TMEM131L: variants seen among roughly 807,000 people sequenced by gnomAD.
TMEM131L encodes the protein transmembrane 131 like.
Under a neutral mutation model 192.2 loss-of-function variants are expected in TMEM131L, and 54 were observed. The observed-to-expected ratio is 0.28, with a 90% CI of 0.23 to 0.35. TMEM131L has a LOEUF of 0.35. Among genes scored for constraint, TMEM131L ranks in the 10% least tolerant of loss-of-function variants. The pLI is 1.00. For synonymous variants in TMEM131L, 701 were observed against 704.9 expected (o/e 0.99, Z 0.09); for missense variants, 1,888 against 1,972.9 (o/e 0.96, Z 0.82).
rs1337561582 is a variant in TMEM131L, at chr4:153,633,219, GTTTA to G, written c.4328+389_4328+392del. On this transcript the variant is annotated intron_variant, in intron 32 of 34. Transcript: ENST00000409959. ...CGTTTAACGTTGTATTTATTCGTTT[GTTTA>G]TTTATTTTTTAGAGACAGAGTCTTG... 28 of 103,846 alleles carry G rather than the reference GTTTA, an allele frequency of 2.7e-4. No individual in the cohort carries two copies. In the South Asian group the frequency reaches 4.0e-3, roughly 15 times the overall value. 6.4% of individuals were successfully genotyped at this position (103,846 alleles called of 1,614,324 possible). A position where few individuals can be genotyped will look rare whatever the true frequency, so the allele number is the denominator to read the frequency against.
chr4:153,581,460 A>G lies in TMEM131L; in HGVS notation c.792A>G (p.Val264=). The change falls in exon 9 of 35, where the codon GTA becomes GTG. Residue 264 remains valine, a synonymous_variant. Transcript: ENST00000409959. The stretch of plus-strand genomic sequence containing the variant: ...TGCGTCTACAAATGAGCATAATGGT[A>G]ACAATGGAAAACTTTTCAAAAGAAT... The part of the protein sequence containing the change: ...DVLRLQMSIM[V]TMENFSKEFE... The G allele has an allele frequency of 6.3e-7, 1 of 1,597,906 alleles. No homozygotes were observed. Among genetic ancestry groups the G allele is most frequent in the African/African-American group, 1.3e-5 (1 of 74,376 alleles).
intron 25 of TMEM131L, among the ~76,000 whole-genome samples, chr4:153,610,692 T>G (rs1284506084): frequency 3.3e-5 from 5 of 152,214 alleles, no homozygotes; most frequent in Non-Finnish European, 7.3e-5. Context: ...TTGAGTGAGT[T>G]TAATTTGTAG....
chr4:153,632,450 C>T (rs893967638), intron 31 of TMEM131L: 48 of 410,592 alleles, frequency 1.2e-4, no homozygotes, highest in African/African-American at 8.7e-4. Flanking sequence ...TTTAATGGGG[C>T]CTTGCAGAAA....
intron 3 of TMEM131L, among the ~76,000 whole-genome samples, chr4:153,484,571 C>A (rs958651033): frequency 1.3e-4 from 19 of 150,940 alleles, no homozygotes; most frequent in African/African-American, 4.1e-4. Context: ...CGGGTTCATG[C>A]CATTCTCCTG....
At chr4:153,487,398 T>C (rs1732416891) in intron 3 of TMEM131L, among the ~76,000 whole-genome samples, 1 of 152,106 alleles carries the variant, frequency 6.6e-6, no homozygotes, top group East Asian at 1.9e-4. Flanking sequence ...GCTGCAATGA[T>C]GCACATGGGG....
At chr4:153,626,898 G>A (rs1287034655) in intron 30 of TMEM131L, among the ~76,000 whole-genome samples, 1 of 152,266 alleles carries the variant, frequency 6.6e-6, no homozygotes, top group East Asian at 1.9e-4. Context: ...CAAGAACCTA[G>A]TAGATACATG....
At chr4:153,493,219 G>T (rs568216483) in intron 3 of TMEM131L, among the ~76,000 whole-genome samples, 1 of 149,992 alleles carries the variant, frequency 6.7e-6, no homozygotes, top group Non-Finnish European at 1.5e-5. Flanking sequence ...GGTGGCAGGC[G>T]CCTGTAGTCC....
chr4:153,528,649 T>C (rs1245648235), intron 3 of TMEM131L, among the ~76,000 whole-genome samples: 1 of 152,232 alleles, frequency 6.6e-6, no homozygotes, highest in East Asian at 1.9e-4. Context: ...TTATAGGTTC[T>C]CTGCCTAGGC....
At chr4:153,525,771 A>G (rs1342319533) in intron 3 of TMEM131L, among the ~76,000 whole-genome samples, 1 of 152,250 alleles carries the variant, frequency 6.6e-6, no homozygotes, top group Non-Finnish European at 1.5e-5. Flanking sequence ...TAAGGCGCAC[A>G]GGAATCATCG....
At position 153,587,783 on chromosome 4, in the gene TMEM131L, G is replaced by A. The variant is rs1730796628; in HGVS notation, c.1524G>A (p.Met508Ile). 1.9e-6 allele frequency: 3 copies of A among 1,613,452 alleles called. No homozygotes were observed. Among genetic ancestry groups the A allele is most frequent in the East Asian group, 2.2e-5 (1 of 44,874 alleles). ...TTGAAGTGATAGCACATTGTGGCATGCATTATTTCATGGGAAAATCAAAAG... is the reference window on the plus strand; with the variant it reads ...TTGAAGTGATAGCACATTGTGGCATACATTATTTCATGGGAAAATCAAAAG... Reference protein sequence around the residue: ...LGFEVIAHCGMHYFMGKSKAG... With the variant: ...LGFEVIAHCGIHYFMGKSKAG... The change falls in exon 15 of 35, where the codon ATG becomes ATA. Residue 508 changes from methionine to isoleucine, a missense_variant. Coordinates refer to ENST00000409959, the MANE Select transcript of TMEM131L (RefSeq NM_001131007.2).
chr4:153,536,962 T>C (rs1736383182), intron 3 of TMEM131L, among the ~76,000 whole-genome samples: 1 of 152,174 alleles, frequency 6.6e-6, no homozygotes, highest in Admixed American at 6.5e-5. Flanking sequence ...AGCCTTTTCA[T>C]GCTTTTCTGC....
chr4:153,558,482 A>G, intron 7 of TMEM131L, 114 bp downstream of exon 7: 1 of 522,860 alleles, frequency 1.9e-6, no homozygotes, highest in East Asian at 2.9e-5. Context: ...GAAGTAATAT[A>G]CATATATAAA....
intron 21 of TMEM131L, among the ~76,000 whole-genome samples, chr4:153,600,034 C>A (rs1271126180): frequency 6.6e-6 from 1 of 151,826 alleles, no homozygotes; most frequent in African/African-American, 2.4e-5. Flanking sequence ...GTGAAGACTT[C>A]GTCTCAAAAA....
chr4:153,542,066 A>G (rs934601017), intron 3 of TMEM131L, among the ~76,000 whole-genome samples: 7 of 152,242 alleles, frequency 4.6e-5, no homozygotes, highest in African/African-American at 1.7e-4. Flanking sequence ...GTACCAATGC[A>G]GTAAAGGAAG....
rs1194149757 is a variant in TMEM131L, at chr4:153,636,324, C to G, written c.4581C>G (p.Ser1527Arg). 6.2e-7 allele frequency: 1 copy of G among 1,613,792 alleles called. No homozygotes were observed. The highest frequency in any genetic ancestry group is 2.2e-5 in the East Asian group (1 of 44,892). ...SSPPYLTSTR[S>R]LSPMSGLFGS... is the part of the protein sequence containing the mutation. Reference sequence around the variant, plus strand: ...AGCCCTACCTCACAAGCACCCGAAGCTTGTCTCCAATGTCTGGACTTTTTG... The same window carrying G: ...AGCCCTACCTCACAAGCACCCGAAGGTTGTCTCCAATGTCTGGACTTTTTG... Residue 1527 changes from serine (S) to arginine (R), a missense_variant, in exon 35 of 35, where the codon AGC becomes AGG. By Grantham distance (110) the Ser-to-Arg change is moderately radical. Transcript: ENST00000409959.
Position 153,596,334 on chromosome 4 carries a change from T to A in TMEM131L, c.2072T>A (p.Val691Glu). The change falls in exon 20 of 35, where the codon GTA (valine) becomes GAA (glutamate). Residue 691 changes from valine (V) to glutamate (E), a missense_variant. Val to Glu is a moderately radical substitution (Grantham distance 121, BLOSUM62 -2). Coordinates refer to ENST00000409959, the MANE Select transcript of TMEM131L (RefSeq NM_001131007.2). ...CCTTTGGAAATGAAAAGGGTTGGCG[T>A]AGTTTTCACACCTGCTGACTATGGA... ...LQPLEMKRVG[V>E]VFTPADYGKV... 1 of 1,614,048 alleles carries A rather than the reference T, an allele frequency of 6.2e-7. No homozygotes were observed. Among genetic ancestry groups the A allele is most frequent in the Non-Finnish European group, 8.5e-7 (1 of 1,179,904 alleles).
chr4:153,597,324 C>T (rs1377767875), intron 20 of TMEM131L, among the ~76,000 whole-genome samples: 1 of 150,660 alleles, frequency 6.6e-6, no homozygotes, highest in Admixed American at 6.6e-5. Flanking sequence ...CTTTGAAGAA[C>T]TAAGGTCCTA....
At chr4:153,603,647 T>C (rs1159626138) in intron 24 of TMEM131L, 155 bp from the exon 25 acceptor site, 18 of 1,002,656 alleles carry the variant, frequency 1.8e-5, no homozygotes, top group Non-Finnish European at 2.6e-5. Context: ...TGATGGGTAT[T>C]CTCATTGGCA....
At chr4:153,502,848 C>T (rs1733708552) in intron 3 of TMEM131L, among the ~76,000 whole-genome samples, 2 of 152,164 alleles carry the variant, frequency 1.3e-5, no homozygotes, top group Non-Finnish European at 2.9e-5. Flanking sequence ...CCTGAGAAAT[C>T]TATGTCTTAG....
Sources: allele counts gnomAD v4.1 joint callset (sites outside exome capture counted in the v4.1 genomes callset), GRCh38; gene constraint gnomAD v4.1.1; transcripts MANE v1.5; gene names NCBI Gene and HGNC (gene_info 2026-07-23, HGNC 2026-07-21).